Variants in NCOR2 observed in about 807,000 individuals in gnomAD.
The protein encoded by NCOR2 is CTG repeat protein 26.
NCOR2 carries 81 observed loss-of-function variants against 262.9 expected under a neutral mutation model. That is an observed-to-expected ratio of 0.31 (90% CI 0.26 to 0.37). NCOR2 has a LOEUF of 0.37. NCOR2 is among the 10% of genes least tolerant of loss of function. NCOR2 has a pLI of 1.00. For missense variants in NCOR2, 3,385 were observed against 3,621.4 expected, an observed-to-expected ratio of 0.93 and a Z score of 1.68; for synonymous variants, 1,659 against 1,559.3, an observed-to-expected ratio of 1.06 and a Z score of -1.51.
In NCOR2 at chr12:124,483,445, C is replaced by T. The variant is rs905271771; in HGVS notation, c.411+151G>A. ...CCCAGCGCCTGCCCTCTTCCTGCCA[C>T]CCAGCTCTGTGCACCCGGTGCTTGG... On this transcript the variant is annotated intron_variant, in intron 3 of 46. Transcript: ENST00000405201. The surrounding 1 kb of genome is among the most constrained non-coding windows in gnomAD (Gnocchi z 6.3). 2.4e-6 allele frequency: 2 copies of T among 836,414 alleles called. No individual in the cohort carries two copies. The highest frequency in any genetic ancestry group is 4.0e-5 in the South Asian group (2 of 50,048). 51.8% of individuals were successfully genotyped at this position (836,414 alleles called of 1,614,324 possible).
intron 28 of NCOR2, among the ~76,000 whole-genome samples, chr12:124,349,212 G>A (rs558413680): frequency 1.1e-4 from 17 of 152,188 alleles, no homozygotes; most frequent in African/African-American, 3.6e-4. Flanking sequence ...GTGAACAGAC[G>A]GAGGTGGCCC....
chr12:124,404,819 A>G (rs1167606882), intron 13 of NCOR2, among the ~76,000 whole-genome samples: 1 of 152,194 alleles, frequency 6.6e-6, no homozygotes, highest in African/African-American at 2.4e-5. Flanking sequence ...GTCCTGATGG[A>G]GATGAAAACG....
chr12:124,438,806 G>GAC (rs1593541695), intron 7 of NCOR2, among the ~76,000 whole-genome samples: 1 of 148,774 alleles, frequency 6.7e-6, no homozygotes, highest in Non-Finnish European at 1.5e-5. Flanking sequence ...GAGAGAGAGA[G>GAC]AGACGGAGAC....
intron 27 of NCOR2, among the ~76,000 whole-genome samples, chr12:124,352,804 C>T (rs116957827): frequency 1.6e-4 from 24 of 152,366 alleles, no homozygotes; most frequent in South Asian, 6.2e-4. Flanking sequence ...CTTCTGTTTG[C>T]ATAACGTCTG....
Position 124,374,398 on chromosome 12 carries a change from C to A in NCOR2, c.2218+15G>T. ...GCCCGGCCCTACCCCCCAGGCCAGCCGGCCACATTCGTACCTGGGCCACTG... is the reference window on the plus strand; with the variant it reads ...GCCCGGCCCTACCCCCCAGGCCAGCAGGCCACATTCGTACCTGGGCCACTG... On this transcript the variant is annotated intron_variant, in intron 19 of 46. Transcript: ENST00000405201. The A allele has an allele frequency of 6.2e-7, 1 of 1,612,112 alleles. No homozygotes were observed. Among genetic ancestry groups the A allele is most frequent in the South Asian group, 1.1e-5 (1 of 90,910 alleles).
chr12:124,494,438 T>A (rs981561238), intron 1 of NCOR2, among the ~76,000 whole-genome samples: 2 of 152,208 alleles, frequency 1.3e-5, no homozygotes, highest in African/African-American at 4.8e-5. Context: ...CCCGTTGTCC[T>A]GGCCACACCA....
At chr12:124,336,488 T>C (rs1189429529) in intron 38 of NCOR2, 1 of 726,454 alleles carries the variant, frequency 1.4e-6, no homozygotes, top group Non-Finnish European at 1.9e-6. Context: ...GCCGGAGTAG[T>C]CGTCAGCGCG....
chr12:124,506,492 G>A (rs1190665840), intron 1 of NCOR2, among the ~76,000 whole-genome samples: 2 of 148,608 alleles, frequency 1.3e-5, no homozygotes, highest in Non-Finnish European at 1.5e-5. Context: ...TTTTTTTTTT[G>A]TTTCCATTTA....
At chr12:124,563,911 C>T (rs567985269) in intron 1 of NCOR2, among the ~76,000 whole-genome samples, 1 of 152,356 alleles carries the variant, frequency 6.6e-6, no homozygotes, top group East Asian at 1.9e-4. Context: ...TGCACTAACA[C>T]GACCGTGAAT....
At chr12:124,553,521 C>G (rs892302789) in intron 1 of NCOR2, among the ~76,000 whole-genome samples, 2 of 152,226 alleles carry the variant, frequency 1.3e-5, no homozygotes, top group Non-Finnish European at 2.9e-5. Context: ...AGTCTCTCCA[C>G]TGCTACACAG....
At chr12:124,340,248 C>A in intron 36 of NCOR2, 44 bp from the exon 39 acceptor site, 1 of 1,606,156 alleles carries the variant, frequency 6.2e-7, no homozygotes, top group Non-Finnish European at 8.5e-7. Flanking sequence ...CCTCTTGCGG[C>A]CCACAAGGAG....
Position 124,428,044 on chromosome 12 carries a change from AGTGTGTGTGTGTGT to A in NCOR2, c.1150-1258_1150-1245del, listed in dbSNP as rs55965573. Among the ~76,000 whole-genome samples the A allele has an allele frequency of 4.6e-3, 520 of 112,492 alleles. 6 individuals carry two copies. The highest frequency in any genetic ancestry group is 0.013 in the African/African-American group (447 of 34,178). 73.8% of individuals were successfully genotyped at this position (112,492 alleles called of 152,430 possible). On this transcript the variant is annotated intron_variant, in intron 10 of 46. Coordinates refer to ENST00000405201, the Ensembl canonical transcript of NCOR2. ...CTGATGACTGCATTCCCATGTGGCC[AGTGTGTGTGTGTGT>A]GTGTGTGTGTGTGTGTGTGTGTGTG...
At chr12:124,526,008 G>C (rs1316886411) in intron 1 of NCOR2, among the ~76,000 whole-genome samples, 2 of 152,198 alleles carry the variant, frequency 1.3e-5, no homozygotes, top group Non-Finnish European at 2.9e-5. Flanking sequence ...ACAGCACTGA[G>C]GCAAGAAAAG....
At chr12:124,494,132 A>G (rs1277606146) in intron 1 of NCOR2, among the ~76,000 whole-genome samples, 3 of 152,172 alleles carry the variant, frequency 2.0e-5, no homozygotes, top group African/African-American at 7.2e-5. Flanking sequence ...CTTATATGCA[A>G]AACCTTCTGC....
At chr12:124,426,627 C>T (rs1194354405) in exon 11 of NCOR2, 4 of 1,582,910 alleles carry the variant, frequency 2.5e-6, no homozygotes, top group Non-Finnish European at 3.5e-6. Context: ...CTCACTTCTC[C>T]CGGAAGGTCT....
In NCOR2 at chr12:124,457,001, T is replaced by C. The variant is rs2045910123; in HGVS notation, c.762+105A>G. On this transcript the variant is annotated intron_variant, in intron 6 of 46. Transcript: ENST00000405201. The surrounding 1 kb of genome is among the most constrained non-coding windows in gnomAD (Gnocchi z 4.0). ...CCGCGGACGCCGCCTGGGCAGCGCTTGGTAATAGATGACTTCCTCCTCCGC... is the reference window on the plus strand; with the variant it reads ...CCGCGGACGCCGCCTGGGCAGCGCTCGGTAATAGATGACTTCCTCCTCCGC... 1.1e-6 allele frequency: 1 copy of C among 949,704 alleles called. No homozygotes were observed. The highest frequency in any genetic ancestry group is 1.7e-5 in the African/African-American group (1 of 57,166). The allele number at this position is 949,704 out of a possible 1,614,324, so 58.8% of individuals were successfully genotyped here.
intron 2 of NCOR2, 131 bp downstream of exon 4, chr12:124,486,310 G>C (rs1486486527): frequency 4.2e-6 from 6 of 1,416,856 alleles, no homozygotes; most frequent in Non-Finnish European, 3.8e-6. Context: ...CAGGTCAAGG[G>C]TGAACACACG....
At chr12:124,470,618 G>A (rs1435435011) in intron 4 of NCOR2, among the ~76,000 whole-genome samples, 1 of 152,238 alleles carries the variant, frequency 6.6e-6, no homozygotes. Context: ...CCCTATATAG[G>A]AAATGTCTAG....
chr12:124,396,086 A>G (rs1299829027), intron 16 of NCOR2, among the ~76,000 whole-genome samples: 1 of 152,206 alleles, frequency 6.6e-6, no homozygotes, highest in African/African-American at 2.4e-5. Flanking sequence ...AAAAGGCCAC[A>G]AACTGTAGGA....
Sources: gnomAD v4.1 joint callset for allele counts (sites outside exome capture counted in the v4.1 genomes callset) on GRCh38, gnomAD v4.1.1 for gene constraint, Gnocchi (gnomAD v3.1) non-coding constraint, MANE v1.5 for transcripts, NCBI Gene and HGNC (gene_info 2026-07-23, HGNC 2026-07-21) for gene names.